The following CFAP299 variants were observed in gnomAD, a reference collection of about 807,000 sequenced individuals.
The protein encoded by CFAP299 is cilia and flagella associated protein 299.
CFAP299 carries 21 observed loss-of-function variants against 27.0 expected under a neutral mutation model. That is an observed-to-expected ratio of 0.78 (90% CI 0.55 to 1.12). The LOEUF (loss-of-function observed/expected upper bound fraction) is 1.12, where lower values mean the gene tolerates loss of function less well. CFAP299 is among the 50% of genes most tolerant of loss of function. CFAP299 has a pLI of 0.00. For missense variants in CFAP299, 310 were observed against 276.6 expected, an observed-to-expected ratio of 1.12 and a Z score of -0.86; for synonymous variants, 104 against 98.1, an observed-to-expected ratio of 1.06 and a Z score of -0.36.
intron 3 of CFAP299, among the ~76,000 whole-genome samples, chr4:80,589,228 A>G (rs575603553): frequency 6.6e-6 from 1 of 152,164 alleles, no homozygotes; most frequent in Non-Finnish European, 1.5e-5. Context: ...CAAGCCACAG[A>G]GAGGTTAAAT....
intron 2 of CFAP299, among the ~76,000 whole-genome samples, chr4:80,495,999 A>G (rs1289414487): frequency 6.6e-6 from 1 of 152,194 alleles, no homozygotes; most frequent in Non-Finnish European, 1.5e-5. Flanking sequence ...CTTAGGCCTC[A>G]AGGCCTATGA....
chr4:80,585,912 T>A (rs1736412499), intron 3 of CFAP299, among the ~76,000 whole-genome samples: 1 of 152,182 alleles, frequency 6.6e-6, no homozygotes, highest in Non-Finnish European at 1.5e-5. Flanking sequence ...AACCATGTGC[T>A]TGTTTTTATG....
intron 3 of CFAP299, among the ~76,000 whole-genome samples, chr4:80,837,839 T>G (rs538139447): frequency 3.5e-4 from 54 of 152,288 alleles, no homozygotes; most frequent in Non-Finnish European, 7.2e-4. Context: ...CCTTGAGGAA[T>G]CACCATCCTG....
chr4:80,687,338 A>T (rs1221880831), intron 3 of CFAP299, among the ~76,000 whole-genome samples: 1 of 152,126 alleles, frequency 6.6e-6, no homozygotes, highest in Non-Finnish European at 1.5e-5. Flanking sequence ...AGTATCTCAG[A>T]ATTTCATACC....
At chr4:80,402,986 C>T (rs1726237807) in intron 2 of CFAP299, among the ~76,000 whole-genome samples, 2 of 152,148 alleles carry the variant, frequency 1.3e-5, no homozygotes, top group African/African-American at 4.8e-5. Context: ...GGAGATTAGG[C>T]AATGGAGCTT....
chr4:80,938,118 C>G (rs2110225124), intron 4 of CFAP299, among the ~76,000 whole-genome samples: 1 of 152,128 alleles, frequency 6.6e-6, no homozygotes, highest in African/African-American at 2.4e-5. Flanking sequence ...ATTTTTAATA[C>G]TTTTTTCTTT....
intron 2 of CFAP299, among the ~76,000 whole-genome samples, chr4:80,383,644 A>T (rs1724821717): frequency 6.6e-6 from 1 of 152,220 alleles, no homozygotes; most frequent in Admixed American, 6.5e-5. Context: ...ACATTATCAC[A>T]ATAGTCTTGG....
At chr4:80,340,401 AG>A in intron 1 of CFAP299, among the ~76,000 whole-genome samples, 1 of 152,312 alleles carries the variant, frequency 6.6e-6, no homozygotes, top group African/African-American at 2.4e-5. Flanking sequence ...GCTCACACAG[AG>A]GCTCACACAG....
intron 4 of CFAP299, chr4:80,872,394 A>G (rs1200441817): frequency 6.6e-6 from 1 of 152,082 alleles, no homozygotes; most frequent in Non-Finnish European, 1.5e-5. Context: ...TTTATCCTGA[A>G]TTTTTTAACT....
intron 3 of CFAP299, among the ~76,000 whole-genome samples, chr4:80,639,534 C>T (rs1739619413): frequency 6.6e-6 from 1 of 152,094 alleles, no homozygotes; most frequent in African/African-American, 2.4e-5. Context: ...AATCATTAAA[C>T]CACATTTGAG....
At chr4:80,855,627 A>G (rs888621183) in intron 3 of CFAP299, among the ~76,000 whole-genome samples, 1 of 152,064 alleles carries the variant, frequency 6.6e-6, no homozygotes, top group African/African-American at 2.4e-5. Flanking sequence ...TCATTGTTCA[A>G]TTCCCATCTA....
At chr4:80,759,776 GT>G (rs1387762930) in intron 3 of CFAP299, among the ~76,000 whole-genome samples, 1 of 152,046 alleles carries the variant, frequency 6.6e-6, no homozygotes, top group African/African-American at 2.4e-5. Context: ...ATGACTTTAC[GT>G]AACTTTTACA....
At chr4:80,666,511 G>A (rs534858635) in intron 3 of CFAP299, among the ~76,000 whole-genome samples, 1 of 152,224 alleles carries the variant, frequency 6.6e-6, no homozygotes, top group African/African-American at 2.4e-5. Flanking sequence ...AAAAAGAAAA[G>A]AGTCAAGGAT....
chr4:80,679,676 G>A (rs1203569992), intron 3 of CFAP299, among the ~76,000 whole-genome samples: 1 of 149,346 alleles, frequency 6.7e-6, no homozygotes, highest in South Asian at 2.1e-4. Context: ...AGCAAATTTT[G>A]TAAAAAAATT....
intron 3 of CFAP299, among the ~76,000 whole-genome samples, chr4:80,621,462 CTCATCCCAT>C (rs1024313851): frequency 6.6e-6 from 1 of 152,048 alleles, no homozygotes; most frequent in Non-Finnish European, 1.5e-5. Context: ...TTTCTAATCT[CTCATCCCAT>C]TCTTTGCACA....
At chr4:80,583,237 T>C (rs1736264706) in intron 3 of CFAP299, 54 bp downstream of exon 3, 1 of 1,002,148 alleles carries the variant, frequency 1.0e-6, no homozygotes, top group African/African-American at 1.7e-5. Flanking sequence ...GCACAATTAA[T>C]ATTAAAAAAT....
intron 3 of CFAP299, among the ~76,000 whole-genome samples, chr4:80,773,773 G>A (rs1340657634): frequency 6.6e-6 from 1 of 151,890 alleles, no homozygotes; most frequent in Non-Finnish European, 1.5e-5. Flanking sequence ...GCAATTAAGT[G>A]TACATTTGAG....
chr4:80,509,000 T>A (rs1173721166), intron 2 of CFAP299, among the ~76,000 whole-genome samples: 2 of 152,110 alleles, frequency 1.3e-5, no homozygotes, highest in Non-Finnish European at 2.9e-5. Flanking sequence ...GAGCTGAAGA[T>A]CAGCTTTAGA....
chr4:80,674,881 T>G (rs1434439117), intron 3 of CFAP299, among the ~76,000 whole-genome samples: 2 of 152,216 alleles, frequency 1.3e-5, no homozygotes, highest in East Asian at 3.8e-4. Flanking sequence ...TCATGTCATT[T>G]AAGGTCTTTT....
Sources: allele counts gnomAD v4.1 joint callset (sites outside exome capture counted in the v4.1 genomes callset), GRCh38; gene constraint gnomAD v4.1.1; transcripts MANE v1.5; gene names NCBI Gene and HGNC (gene_info 2026-07-23, HGNC 2026-07-21).